Variants in PALM2AKAP2 observed in about 807,000 individuals in gnomAD.
The protein encoded by PALM2AKAP2 is PALM2 and AKAP2 fusion, also known as PALM2-AKAP2 fusion protein.
In PALM2AKAP2, 37 loss-of-function variants were observed where a neutral mutation model predicts 71.5. That is an observed-to-expected ratio of 0.52 (90% CI 0.40 to 0.68). PALM2AKAP2 has a LOEUF of 0.68. PALM2AKAP2 is among the 30% of genes least tolerant of loss of function. The pLI is 0.00. For missense variants in PALM2AKAP2, 1,224 were observed against 1,191.8 expected (o/e 1.03, Z -0.40); for synonymous variants, 468 against 478.8 (o/e 0.98, Z 0.29).
intron 1 of PALM2AKAP2, among the ~76,000 whole-genome samples, chr9:109,711,547 A>G (rs1042938818): frequency 6.6e-6 from 1 of 152,228 alleles, no homozygotes; most frequent in African/African-American, 2.4e-5. Context: ...GAGGGTGGTT[A>G]GTGAGTCTGA....
chr9:109,809,667 C>A (rs180853536), intron 1 of PALM2AKAP2, among the ~76,000 whole-genome samples: 1 of 152,124 alleles, frequency 6.6e-6, no homozygotes, highest in Non-Finnish European at 1.5e-5. Flanking sequence ...TGTGCTTTGA[C>A]ATGTGAGGAC....
chr9:109,691,911 CATAT>C (rs1228934218), intron 1 of PALM2AKAP2, among the ~76,000 whole-genome samples: 1 of 60,120 alleles, frequency 1.7e-5, no homozygotes, highest in Non-Finnish European at 3.3e-5. Flanking sequence ...TACACACACA[CATAT>C]ATATATATAC....
chr9:109,679,987 T>A (rs1267475494), intron 1 of PALM2AKAP2, among the ~76,000 whole-genome samples: 8 of 152,320 alleles, frequency 5.3e-5, no homozygotes, highest in Admixed American at 1.3e-4. Context: ...GGAATAATAA[T>A]CCTACCTCTC....
chr9:109,995,798 G>A (rs10217172), intron 6 of PALM2AKAP2, among the ~76,000 whole-genome samples: 17,819 of 152,194 alleles, frequency 0.12, 1,347 homozygotes, highest in African/African-American at 0.21. Flanking sequence ...GGGGAGTGAT[G>A]TGAGCACAGC....
chr9:109,679,995 C>G (rs1455139745), intron 1 of PALM2AKAP2, among the ~76,000 whole-genome samples: 1 of 152,140 alleles, frequency 6.6e-6, no homozygotes, highest in Non-Finnish European at 1.5e-5. Flanking sequence ...AATCCTACCT[C>G]TCTAGTTTCA....
intron 6 of PALM2AKAP2, among the ~76,000 whole-genome samples, chr9:110,014,801 AAAAT>A (rs1436304963): frequency 0.031 from 1,276 of 41,234 alleles, 162 homozygotes; most frequent in Non-Finnish European, 0.038. Flanking sequence ...AAAAAAAAAA[AAAAT>A]GTATATATAT....
At chr9:109,691,575 T>A (rs758710246) in intron 1 of PALM2AKAP2, among the ~76,000 whole-genome samples, 12 of 151,788 alleles carry the variant, frequency 7.9e-5, no homozygotes, top group East Asian at 3.9e-4. Flanking sequence ...TATATCAAAT[T>A]TGACCTTTCT....
intron 1 of PALM2AKAP2, among the ~76,000 whole-genome samples, chr9:109,791,417 G>C (rs1364770483): frequency 6.6e-6 from 1 of 152,112 alleles, no homozygotes; most frequent in East Asian, 1.9e-4. Flanking sequence ...TCTCAGCCTG[G>C]GTCCACAGAG....
At chr9:109,857,920 C>T (rs1315943631) in intron 1 of PALM2AKAP2, among the ~76,000 whole-genome samples, 3 of 152,236 alleles carry the variant, frequency 2.0e-5, no homozygotes, top group Non-Finnish European at 4.4e-5. Context: ...CCACTACCAT[C>T]ATTGGGATTA....
intron 1 of PALM2AKAP2, among the ~76,000 whole-genome samples, chr9:109,848,811 A>G (rs1828933221): frequency 6.6e-6 from 1 of 150,522 alleles, no homozygotes. Flanking sequence ...GGGTGTTGTG[A>G]TGGAGGCTGA....
intron 7 of PALM2AKAP2, among the ~76,000 whole-genome samples, chr9:110,026,332 A>T (rs1833182118): frequency 6.6e-6 from 1 of 152,188 alleles, no homozygotes; most frequent in Non-Finnish European, 1.5e-5. Flanking sequence ...CTCGTTCCTC[A>T]GCCTCCCAAA....
rs150974169 is a variant in PALM2AKAP2, at chr9:109,932,949, C to A, written c.496+921C>A. On this transcript the variant is annotated intron_variant, in intron 6 of 9. Coordinates refer to the PALM2AKAP2 transcript ENST00000302798. ...AGAGGATATCTTTTATATAGGCCAA[C>A]CTGAATATTTCATGAAGCAAAGAAT... Among the ~76,000 whole-genome samples the A allele has an allele frequency of 4.5e-3, 692 of 152,282 alleles. 8 individuals are homozygous for A. The highest frequency in any genetic ancestry group is 0.029 in the East Asian group (149 of 5,192).
Position 109,947,718 on chromosome 9 carries a change from G to T in PALM2AKAP2, c.496+15690G>T, listed in dbSNP as rs566253758. 6.6e-5 allele frequency among the ~76,000 whole-genome samples: 10 copies of T among 152,238 alleles called. No individual in the cohort carries two copies. The South Asian group carries it at 1.9e-3, about 28-fold the overall frequency. On this transcript the variant is annotated intron_variant, in intron 6 of 9. Transcript: ENST00000302798. Reference sequence around the variant, plus strand: ...ACTGGAGAGTTTTACTCACTAACAGGTCCTTTCCTGGAAGAAATAACCTCA... The same window carrying T: ...ACTGGAGAGTTTTACTCACTAACAGTTCCTTTCCTGGAAGAAATAACCTCA...
chr9:109,841,969 G>A, intron 1 of PALM2AKAP2, among the ~76,000 whole-genome samples: 1 of 146,794 alleles, frequency 6.8e-6, no homozygotes, highest in East Asian at 2.0e-4. Context: ...TGAGGGGGAT[G>A]GAGGGGAAGT....
chr9:109,641,968 C>G (rs537483364), intron 1 of PALM2AKAP2, among the ~76,000 whole-genome samples: 27 of 152,156 alleles, frequency 1.8e-4, no homozygotes, highest in African/African-American at 5.8e-4. Context: ...GATTTCAGGC[C>G]CCACCTAGCC....
chr9:109,706,579 A>G (rs1828148600), intron 1 of PALM2AKAP2, among the ~76,000 whole-genome samples: 1 of 152,368 alleles, frequency 6.6e-6, no homozygotes, highest in African/African-American at 2.4e-5. Flanking sequence ...AGAAATGCAA[A>G]CATACGTTCA....
chr9:110,074,431 T>C (rs1383718157), intron 1 of PALM2AKAP2, among the ~76,000 whole-genome samples: 1 of 152,208 alleles, frequency 6.6e-6, no homozygotes, highest in African/African-American at 2.4e-5. Flanking sequence ...GATCATTTTA[T>C]TAGTAAGAAC....
At chr9:110,101,053 A>G (rs1022438303) in intron 1 of PALM2AKAP2, among the ~76,000 whole-genome samples, 1 of 152,170 alleles carries the variant, frequency 6.6e-6, no homozygotes, top group African/African-American at 2.4e-5. Context: ...GATTAGAGTG[A>G]ACATCTTCTA....
intron 3 of PALM2AKAP2, among the ~76,000 whole-genome samples, chr9:109,921,348 G>A (rs1830824801): frequency 6.6e-6 from 1 of 152,140 alleles, no homozygotes; most frequent in South Asian, 2.1e-4. Flanking sequence ...GCTGTAGGGT[G>A]CCATCCGGTG....
Sources: gnomAD v4.1 joint callset for allele counts (sites outside exome capture counted in the v4.1 genomes callset) on GRCh38, gnomAD v4.1.1 for gene constraint, MANE v1.5 for transcripts, NCBI Gene and HGNC (gene_info 2026-07-23, HGNC 2026-07-21) for gene names.